The following GALNT17 variants were observed in gnomAD, a reference collection of about 807,000 sequenced individuals.
The protein encoded by GALNT17 is UDP-GalNAc:polypeptide N-acetylgalactosaminyltransferase-like 3.
Under a neutral mutation model 63.7 loss-of-function variants are expected in GALNT17, and 29 were observed. The ratio of observed to expected loss-of-function variants is 0.46; its 90% CI spans 0.34 to 0.62. The LOEUF is 0.62. Ranked by LOEUF, GALNT17 falls within the 20% of genes least tolerant of loss-of-function variation. The pLI is 0.01. For synonymous variants in GALNT17, 305 were observed against 318.3 expected, an observed-to-expected ratio of 0.96 and a Z score of 0.45; for missense variants, 603 against 799.6, an observed-to-expected ratio of 0.75 and a Z score of 2.97.
intron 3 of GALNT17, among the ~76,000 whole-genome samples, chr7:71,406,494 G>A (rs919544049): frequency 3.4e-4 from 52 of 152,132 alleles, no homozygotes; most frequent in African/African-American, 1.2e-3. Flanking sequence ...GTTCATTTCT[G>A]GGATTTGCTA....
chr7:71,706,143 A>G (rs1011357569), intron 9 of GALNT17, among the ~76,000 whole-genome samples: 6 of 152,204 alleles, frequency 3.9e-5, no homozygotes, highest in African/African-American at 1.4e-4. Flanking sequence ...TCAGAAAAGG[A>G]GGCAAGTATT....
intron 5 of GALNT17, among the ~76,000 whole-genome samples, chr7:71,502,260 C>T (rs929482522): frequency 1.3e-5 from 2 of 152,206 alleles, no homozygotes; most frequent in African/African-American, 2.4e-5. Context: ...CAAAGTTAAT[C>T]ACATTAGTAT....
chr7:71,225,161 G>A (rs1256210227), intron 1 of GALNT17, among the ~76,000 whole-genome samples: 1 of 152,062 alleles, frequency 6.6e-6, no homozygotes, highest in Non-Finnish European at 1.5e-5. Context: ...TAGAGATGGG[G>A]TTTCGCCATG....
chr7:71,493,056 T>C (rs1055917349), intron 5 of GALNT17, among the ~76,000 whole-genome samples: 8 of 152,236 alleles, frequency 5.3e-5, no homozygotes, highest in Non-Finnish European at 1.2e-4. Flanking sequence ...TAAATAGTTT[T>C]GATGTATGCT....
At chr7:71,257,551 G>C (rs1420492830) in intron 1 of GALNT17, among the ~76,000 whole-genome samples, 5 of 152,126 alleles carry the variant, frequency 3.3e-5, no homozygotes, top group African/African-American at 1.2e-4. Context: ...GGTTTGATAT[G>C]GTTTGTGGAA....
chr7:71,515,828 G>GT (rs1396967277), intron 5 of GALNT17, among the ~76,000 whole-genome samples: 1 of 151,988 alleles, frequency 6.6e-6, no homozygotes, highest in South Asian at 2.1e-4. Flanking sequence ...TGGGACCTGT[G>GT]TTTTTTCCAA....
intron 1 of GALNT17, among the ~76,000 whole-genome samples, chr7:71,323,654 A>G (rs1018426860): frequency 2.6e-5 from 4 of 152,252 alleles, no homozygotes; most frequent in African/African-American, 9.6e-5. Context: ...ATGATTTGAC[A>G]TGAGTTAATG....
At chr7:71,463,253 G>A (rs977013368) in intron 5 of GALNT17, among the ~76,000 whole-genome samples, 17 of 152,308 alleles carry the variant, frequency 1.1e-4, no homozygotes, top group Admixed American at 5.2e-4. Context: ...AACAAAAGCC[G>A]TAGGATTCTA....
intron 1 of GALNT17, among the ~76,000 whole-genome samples, chr7:71,187,332 G>A (rs2116329196): frequency 6.7e-6 from 1 of 148,470 alleles, no homozygotes; most frequent in Non-Finnish European, 1.5e-5. Context: ...GTGTTGCCCA[G>A]GCTGGTCTCA....
At chr7:71,434,021 C>G (rs1161150779) in intron 5 of GALNT17, among the ~76,000 whole-genome samples, 1 of 152,188 alleles carries the variant, frequency 6.6e-6, no homozygotes, top group Non-Finnish European at 1.5e-5. Context: ...CAAATGCTTC[C>G]TGCCCTTGAA....
intron 3 of GALNT17, among the ~76,000 whole-genome samples, chr7:71,390,557 C>CT (rs1261265543): frequency 2.6e-5 from 4 of 152,322 alleles, no homozygotes; most frequent in East Asian, 1.9e-4. Context: ...CTGGAAGCCT[C>CT]TAAGTTGTGC....
chr7:71,204,185 C>T (rs772129787), intron 1 of GALNT17, among the ~76,000 whole-genome samples: 12 of 152,042 alleles, frequency 7.9e-5, no homozygotes, highest in Admixed American at 3.9e-4. Flanking sequence ...GTTCTTGGCA[C>T]CTCTGTTGTA....
At chr7:71,183,045 C>T (rs758103486) in intron 1 of GALNT17, among the ~76,000 whole-genome samples, 3 of 152,210 alleles carry the variant, frequency 2.0e-5, no homozygotes, top group Non-Finnish European at 2.9e-5. Flanking sequence ...GTGGACCTTG[C>T]GGAGTTTTGT....
chr7:71,300,955 A>G (rs547752500), intron 1 of GALNT17: 1 of 152,850 alleles, frequency 6.5e-6, no homozygotes, highest in Non-Finnish European at 1.5e-5. Flanking sequence ...TACAGAAGCT[A>G]TTTGTAAAAT....
chr7:71,159,931 A>G lies in GALNT17; in HGVS notation c.238+26891A>G, dbSNP rs551303754. On this transcript the variant is annotated intron_variant, in intron 1 of 10. Transcript: ENST00000333538. ...TGAGTAGCTGGGATTACAGGTGTGCACCACCACTCAGATCTAATTTTTAAA... is the reference window on the plus strand; with the variant it reads ...TGAGTAGCTGGGATTACAGGTGTGCGCCACCACTCAGATCTAATTTTTAAA... Among the ~76,000 whole-genome samples, 1,090 of 151,096 alleles carry G rather than the reference A, an allele frequency of 7.2e-3. 14 individuals carry two copies. Among genetic ancestry groups the G allele is most frequent in the African/African-American group, 0.024 (975 of 40,674 alleles).
intron 6 of GALNT17, among the ~76,000 whole-genome samples, chr7:71,572,142 C>T (rs1289304791): frequency 2.6e-5 from 4 of 151,324 alleles, no homozygotes; most frequent in East Asian, 3.9e-4. Context: ...CTTGGGAAGC[C>T]GAGTCAGGAG....
At chr7:71,252,458 G>T (rs1268377775) in intron 1 of GALNT17, among the ~76,000 whole-genome samples, 2 of 152,152 alleles carry the variant, frequency 1.3e-5, no homozygotes, top group African/African-American at 4.8e-5. Flanking sequence ...ATGAGAGGCG[G>T]AGGCTGCAGT....
chr7:71,683,898 C>T (rs1205184687), intron 9 of GALNT17, among the ~76,000 whole-genome samples: 1 of 151,462 alleles, frequency 6.6e-6, no homozygotes, highest in Non-Finnish European at 1.5e-5. Context: ...ATCCCAGCTA[C>T]TCCGGGAGGC....
intron 5 of GALNT17, among the ~76,000 whole-genome samples, chr7:71,440,535 C>T (rs1022883595): frequency 1.3e-5 from 2 of 151,930 alleles, no homozygotes; most frequent in African/African-American, 2.4e-5. Context: ...CCACCATGCG[C>T]GGTTAACTTT....
Sources: gnomAD v4.1 joint callset for allele counts (sites outside exome capture counted in the v4.1 genomes callset) on GRCh38, gnomAD v4.1.1 for gene constraint, MANE v1.5 for transcripts, NCBI Gene and HGNC (gene_info 2026-07-23, HGNC 2026-07-21) for gene names.